INSYN2B: variants seen among roughly 807,000 people sequenced by gnomAD.
The protein encoded by INSYN2B is inhibitory synaptic factor family member 2B.
A neutral mutation model predicts 41.2 loss-of-function variants in INSYN2B; 16 were observed. The observed-to-expected ratio is 0.39, with a 90% CI of 0.26 to 0.59. The LOEUF is 0.59. Among genes scored for constraint, INSYN2B ranks in the 20% least tolerant of loss-of-function variants. INSYN2B has a pLI of 0.57. For synonymous variants in INSYN2B, 245 were observed against 244.4 expected (o/e 1.00, Z -0.02); for missense variants, 608 against 646.4 (o/e 0.94, Z 0.64).
At chr5:169,969,606 G>A (rs1050887453) in intron 1 of INSYN2B, among the ~76,000 whole-genome samples, 14 of 152,346 alleles carry the variant, frequency 9.2e-5, no homozygotes, top group African/African-American at 1.7e-4. Flanking sequence ...GCCATTCTGC[G>A]GAGGCATTCC....
chr5:169,881,601 A>G (rs1772658692), intron 2 of INSYN2B, among the ~76,000 whole-genome samples, 159 bp from the exon 3 acceptor site: 1 of 152,230 alleles, frequency 6.6e-6, no homozygotes, highest in Non-Finnish European at 1.5e-5. Context: ...TCACGACAAT[A>G]GGAGCTCACA....
At chr5:169,942,180 T>C (rs1437886579) in intron 1 of INSYN2B, among the ~76,000 whole-genome samples, 1 of 152,240 alleles carries the variant, frequency 6.6e-6, no homozygotes. Context: ...GCATATCTTA[T>C]TTATGGCAGT....
intron 1 of INSYN2B, among the ~76,000 whole-genome samples, chr5:169,891,296 A>C (rs1260463502): frequency 2.6e-5 from 4 of 152,080 alleles, no homozygotes; most frequent in Admixed American, 6.5e-5. Context: ...CTGTCCTATT[A>C]GCTTATTTGT....
chr5:169,883,662 G>C lies in INSYN2B; in HGVS notation c.237C>G (p.Tyr79Ter). Residue 79 changes from tyrosine (Y) to a stop codon, truncating the protein, a stop_gained, in exon 2 of 4, where the codon TAC becomes TAG. Coordinates refer to ENST00000377365, the MANE Select transcript of INSYN2B (RefSeq NM_001129891.3). LOFTEE classifies it high-confidence loss of function. ...TCTGGGACCTGGGGAAGGAGAGCGA[G>C]TAGGTGGGGGGAAGATGGTGCCTGG... Reference protein sequence around the residue: ...QATRHHLPPTYSLSFPRSQKA... With the variant: ...QATRHHLPPT The C allele has an allele frequency of 6.4e-7, 1 of 1,551,108 alleles. No individual in the cohort carries two copies. Among genetic ancestry groups the C allele is most frequent in the Non-Finnish European group, 8.7e-7 (1 of 1,146,652 alleles).
intron 1 of INSYN2B, among the ~76,000 whole-genome samples, chr5:169,899,434 G>A (rs186082570): frequency 6.6e-6 from 1 of 152,260 alleles, no homozygotes; most frequent in East Asian, 1.9e-4. Flanking sequence ...CCTATAAATA[G>A]GATGGCAAGT....
At chr5:169,945,388 C>T (rs1776405036) in intron 1 of INSYN2B, among the ~76,000 whole-genome samples, 2 of 152,256 alleles carry the variant, frequency 1.3e-5, no homozygotes, top group South Asian at 2.1e-4. Context: ...AATTTGAACT[C>T]TTTGGGTCTC....
intron 1 of INSYN2B, among the ~76,000 whole-genome samples, chr5:169,913,228 C>G (rs955593614): frequency 3.3e-5 from 5 of 152,194 alleles, no homozygotes; most frequent in Non-Finnish European, 7.3e-5. Flanking sequence ...TTTGCAGTTC[C>G]TGATGGAAAC....
chr5:169,891,748 GTCAAGGCAGGTGGATC>G lies in INSYN2B; in HGVS notation c.-918-6948_-918-6933del, dbSNP rs369000674. Among the ~76,000 whole-genome samples the G allele has an allele frequency of 9.9e-3, 1,504 of 152,208 alleles. 23 individuals are homozygous for G. The highest frequency in any genetic ancestry group is 0.034 in the African/African-American group (1,428 of 41,532). ...ACCCATAATCCCAGCACTTTGGGAG[GTCAAGGCAGGTGGATC>G]ACAAGGTCAGGAGTTCAAGACCAGC... is the stretch of plus-strand genomic sequence containing the variant. On this transcript the variant is annotated intron_variant, in intron 1 of 3. Transcript: ENST00000377365.
At chr5:169,906,363 C>T (rs1162524928) in intron 1 of INSYN2B, among the ~76,000 whole-genome samples, 1 of 152,220 alleles carries the variant, frequency 6.6e-6, no homozygotes, top group Middle Eastern at 3.2e-3. Flanking sequence ...AAGCATTAGC[C>T]AGCAAACGGG....
intron 1 of INSYN2B, among the ~76,000 whole-genome samples, chr5:169,907,118 G>A (rs935483842): frequency 1.3e-5 from 2 of 152,150 alleles, no homozygotes; most frequent in Non-Finnish European, 2.9e-5. Context: ...GAAATCAATC[G>A]AAAGATATGG....
intron 1 of INSYN2B, among the ~76,000 whole-genome samples, chr5:169,886,684 G>C (rs534966045): frequency 6.6e-6 from 1 of 152,214 alleles, no homozygotes; most frequent in Non-Finnish European, 1.5e-5. Context: ...AAATTTGTGA[G>C]ATGGTCGCAT....
chr5:169,864,302 C>T lies in INSYN2B; in HGVS notation c.1579G>A (p.Val527Met), dbSNP rs768005787. 1.9e-6 allele frequency: 3 copies of T among 1,551,664 alleles called. No individual in the cohort carries two copies. Among genetic ancestry groups the T allele is most frequent in the Non-Finnish European group, 1.7e-6 (2 of 1,146,976 alleles). Residue 527 changes from valine to methionine, a missense_variant, in exon 4 of 4, where the codon GTG becomes ATG. Coordinates refer to ENST00000377365, the MANE Select transcript of INSYN2B (RefSeq NM_001129891.3). ...ATCCACCAGAAGCATTTCTTTTTCA[C>T]CTTCTTGGTTTTCCGCCTTAAGTCC... ...KQDLRRKTKK[V>M]KKKCFWWI
At chr5:169,899,960 A>T (rs957945773) in intron 1 of INSYN2B, among the ~76,000 whole-genome samples, 15 of 152,200 alleles carry the variant, frequency 9.9e-5, no homozygotes, top group African/African-American at 3.6e-4. Flanking sequence ...TTCCACTAAG[A>T]TCATGAGAGT....
rs142741404 is a variant in INSYN2B, at chr5:169,975,384, C to G, written c.-919+4893G>C. 3.8e-3 allele frequency among the ~76,000 whole-genome samples: 580 copies of G among 152,298 alleles called. 6 individuals are homozygous for G. Among genetic ancestry groups the G allele is most frequent in the African/African-American group, 0.013 (560 of 41,566 alleles). ...TCCAAATCAATGGCTTCTCTTTGTA[C>G]TTACAAGAAAATCCTAATTCTTGCA... On this transcript the variant is annotated intron_variant, in intron 1 of 3. Transcript: ENST00000377365.
chr5:169,973,695 C>T (rs1777608931), intron 1 of INSYN2B, among the ~76,000 whole-genome samples: 1 of 152,146 alleles, frequency 6.6e-6, no homozygotes, highest in South Asian at 2.1e-4. Context: ...TCATACAGAA[C>T]CCTTCTTAGC....
intron 1 of INSYN2B, among the ~76,000 whole-genome samples, chr5:169,902,895 C>T (rs145547214): frequency 0.018 from 2,778 of 152,106 alleles, 84 homozygotes; most frequent in African/African-American, 0.064. Context: ...GTCAAGAGAT[C>T]GAGACCATCT....
At chr5:169,899,399 G>T (rs1773793084) in intron 1 of INSYN2B, among the ~76,000 whole-genome samples, 1 of 152,192 alleles carries the variant, frequency 6.6e-6, no homozygotes, top group South Asian at 2.1e-4. Context: ...ATGAGACCCT[G>T]GAGGGAGAGC....
chr5:169,908,247 C>T (rs1316584030), intron 1 of INSYN2B, among the ~76,000 whole-genome samples: 2 of 151,988 alleles, frequency 1.3e-5, no homozygotes, highest in African/African-American at 2.4e-5. Context: ...TATAGCTGGT[C>T]CCTTGGTGGC....
chr5:169,883,634 C>A lies in INSYN2B; in HGVS notation c.265G>T (p.Ala89Ser). The A allele has an allele frequency of 6.4e-7, 1 of 1,551,364 alleles. No homozygotes were observed. Among genetic ancestry groups the A allele is most frequent in the Non-Finnish European group, 8.7e-7 (1 of 1,146,820 alleles). ...ATTGCAATGTTGCGAAAGCCCCCTG[C>A]CTTCTGGGACCTGGGGAAGGAGAGC... ...YSLSFPRSQK[A>S]GGFRNIAIQT... Residue 89 changes from alanine to serine, a missense_variant, in exon 2 of 4, where the codon GCA (alanine) becomes TCA (serine). Coordinates refer to ENST00000377365, the MANE Select transcript of INSYN2B (RefSeq NM_001129891.3).
Sources: gnomAD v4.1 joint callset for allele counts (sites outside exome capture counted in the v4.1 genomes callset) on GRCh38, gnomAD v4.1.1 for gene constraint, MANE v1.5 for transcripts, NCBI Gene and HGNC (gene_info 2026-07-23, HGNC 2026-07-21) for gene names.